TBC1D8B: variants seen among roughly 807,000 people sequenced by gnomAD.
TBC1D8B encodes RP11-321G1.1.
A neutral mutation model predicts 82.9 loss-of-function variants in TBC1D8B; 75 were observed. That is an observed-to-expected ratio of 0.90 (90% confidence interval 0.75 to 1.10). TBC1D8B has a LOEUF of 1.10. Ranked by LOEUF, TBC1D8B falls within the 50% of genes least tolerant of loss-of-function variation. TBC1D8B has a pLI of 0.00. For missense variants in TBC1D8B, 794 were observed against 796.9 expected (o/e 1.00, Z 0.04); for synonymous variants, 276 against 276.8 (o/e 1.00, Z 0.03).
At chrX:106,832,196 A>T (rs755434883) in intron 7 of TBC1D8B, among the ~76,000 whole-genome samples, 3 of 111,485 alleles carry the variant, frequency 2.7e-5, no homozygotes, top group Non-Finnish European at 5.7e-5. Context: ...ACTTTAGGAA[A>T]TCTTTCCTGT....
At position 106,852,708 on chromosome X, in the gene TBC1D8B, C is replaced by G. The variant is rs368328582; in HGVS notation, c.2124-813C>G. 4.4e-4 allele frequency among the ~76,000 whole-genome samples: 48 copies of G among 109,033 alleles called. 1 individual carries two copies. The East Asian group carries it at 9.0e-3, about 21-fold the overall frequency. The allele number at this position is 109,033 out of a possible 115,157, so 94.7% of individuals were successfully genotyped here. The stretch of plus-strand genomic sequence containing the variant: ...CATTGCTTGTTTTTGTCAGGTTTGT[C>G]AAAGATCAGATAGTTGTAGATATGC... On this transcript the variant is annotated intron_variant, in intron 12 of 20. Coordinates refer to ENST00000357242, the MANE Select transcript of TBC1D8B (RefSeq NM_017752.3).
At chrX:106,841,937 G>A (rs1021014252) in intron 10 of TBC1D8B, among the ~76,000 whole-genome samples, 3 of 111,573 alleles carry the variant, frequency 2.7e-5, no homozygotes, top group African/African-American at 9.8e-5. Flanking sequence ...TTAGTCACGT[G>A]GATACACCTA....
intron 11 of TBC1D8B, chrX:106,849,302 A>G: frequency 8.7e-7 from 1 of 1,148,500 alleles, no homozygotes; most frequent in Non-Finnish European, 1.2e-6. Context: ...ATTGGGGAGA[A>G]GTAGAAAAAG....
At chrX:106,870,872 T>C in intron 20 of TBC1D8B, 59 bp downstream of exon 20, 1 of 780,376 alleles carries the variant, frequency 1.3e-6, no homozygotes, top group Non-Finnish European at 1.9e-6. Flanking sequence ...GATGTGGGTG[T>C]AACCTCTAAA....
chrX:106,850,661 G>T (rs1932567389), intron 12 of TBC1D8B, among the ~76,000 whole-genome samples: 1 of 111,802 alleles, frequency 8.9e-6, no homozygotes, highest in Non-Finnish European at 1.9e-5. Context: ...CAGTGGCCGG[G>T]AAGTTATTCT....
intron 5 of TBC1D8B, among the ~76,000 whole-genome samples, chrX:106,823,871 T>G (rs1931766081): frequency 9.0e-6 from 1 of 111,156 alleles, no homozygotes; most frequent in East Asian, 2.8e-4. Flanking sequence ...CATTTTTTAA[T>G]GAAGAGGCAA....
chrX:106,839,271 G>A (rs746373460), intron 7 of TBC1D8B, 37 bp from the exon 8 acceptor site: 2 of 1,095,678 alleles, frequency 1.8e-6, no homozygotes, highest in East Asian at 6.3e-5. Flanking sequence ...AGAAACGTAA[G>A]CATGCATCTG....
intron 10 of TBC1D8B, among the ~76,000 whole-genome samples, chrX:106,845,513 T>C (rs986251246): frequency 1.4e-4 from 14 of 98,965 alleles, no homozygotes; most frequent in African/African-American, 5.1e-4. Flanking sequence ...TGTGTTCTCA[T>C]TGTTCAATTC....
chrX:106,869,580 T>G (rs746702936), intron 19 of TBC1D8B, 39 bp downstream of exon 19: 1 of 1,077,466 alleles, frequency 9.3e-7, no homozygotes. Flanking sequence ...TTTATTTAGT[T>G]ATTTTTATGT....
Position 106,873,713 on chromosome X carries a change from A to G in TBC1D8B, c.3111A>G (p.Thr1037=), listed in dbSNP as rs1216691703. The G allele has an allele frequency of 8.3e-7, 1 of 1,211,740 alleles. No individual in the cohort carries two copies. The highest frequency in any genetic ancestry group is 2.2e-5 in the Admixed American group (1 of 46,032). ...EEVGRKLHSP[T]SSAKGFSGTV... ...TTGGAAGGAAACTACATAGCCCTAC[A>G]TCATCAGCCAAAGGATTCTCTGGTA... The change falls in exon 21 of 21, where the codon ACA becomes ACG. Residue 1037 remains threonine, a synonymous_variant. Coordinates refer to ENST00000357242, the MANE Select transcript of TBC1D8B (RefSeq NM_017752.3).
In TBC1D8B at chrX:106,850,096, A is replaced by T. The variant is rs928959263; in HGVS notation, c.1909A>T (p.Thr637Ser). The T allele has an allele frequency of 1.7e-6, 2 of 1,211,177 alleles. No individual in the cohort carries two copies. Among genetic ancestry groups the T allele is most frequent in the Admixed American group, 4.3e-5 (2 of 46,032 alleles). The change falls in exon 12 of 21, where the codon ACT becomes TCT. Residue 637 changes from threonine (T) to serine (S), a missense_variant. Physicochemically the swap from Thr to Ser is moderately conservative, Grantham distance 58. Coordinates refer to ENST00000357242, the MANE Select transcript of TBC1D8B (RefSeq NM_017752.3). Reference protein sequence around the residue: ...DHLPQLTEHMTDMTFFSSVSL... With the variant: ...DHLPQLTEHMSDMTFFSSVSL... ...CCTTCCTCAGCTGACAGAACACATG[A>T]CTGATATGACATTCTTTTCCTCAGT...
chrX:106,842,512 C>T (rs1299473095), intron 10 of TBC1D8B, among the ~76,000 whole-genome samples: 1 of 110,661 alleles, frequency 9.0e-6, no homozygotes, highest in Non-Finnish European at 1.9e-5. Context: ...ATCTTTCAAG[C>T]CTGGGAAAAG....
chrX:106,841,583 GA>G (rs1168783640), intron 10 of TBC1D8B, among the ~76,000 whole-genome samples: 1 of 111,633 alleles, frequency 9.0e-6, no homozygotes, highest in African/African-American at 3.3e-5. Flanking sequence ...GGAATCATTG[GA>G]AAAAAATTAT....
chrX:106,842,210 A>G, intron 10 of TBC1D8B, among the ~76,000 whole-genome samples: 1 of 110,494 alleles, frequency 9.1e-6, no homozygotes, highest in Non-Finnish European at 1.9e-5. Flanking sequence ...AGGATCTCTG[A>G]AAGGTACAAA....
chrX:106,862,776 G>GTTTTGTTTTTTTTTTTT (rs1932785461), intron 14 of TBC1D8B, among the ~76,000 whole-genome samples: 1 of 37,298 alleles, frequency 2.7e-5, no homozygotes, highest in Non-Finnish European at 4.4e-5. Flanking sequence ...GTTTTTTTTT[G>GTTTTGTTTTTTTTTTTT]TTTTTTTTTT....
At chrX:106,828,451 A>G (rs1478426286) in intron 7 of TBC1D8B, 2 of 111,467 alleles carry the variant, frequency 1.8e-5, no homozygotes, top group Admixed American at 1.9e-4. Flanking sequence ...TGAGGCCAGC[A>G]TCATCCTGAT....
chrX:106,821,123 T>G (rs1035574790), intron 3 of TBC1D8B, 128 bp downstream of exon 3: 4 of 397,494 alleles, frequency 1.0e-5, no homozygotes, highest in Admixed American at 4.8e-5. Flanking sequence ...AACGAACATA[T>G]GAATTTCAGA....
At chrX:106,855,745 G>A (rs1932682273) in intron 14 of TBC1D8B, among the ~76,000 whole-genome samples, 1 of 111,851 alleles carries the variant, frequency 8.9e-6, no homozygotes, top group South Asian at 3.8e-4. Flanking sequence ...GGGTAAAAGG[G>A]TATGCCCATT....
chrX:106,864,664 A>T (rs1322412644), intron 14 of TBC1D8B, among the ~76,000 whole-genome samples: 1 of 109,510 alleles, frequency 9.1e-6, no homozygotes, highest in East Asian at 2.9e-4. Flanking sequence ...GATTATAGGC[A>T]TACGCCACCA....
Sources: gnomAD v4.1 joint callset for allele counts (sites outside exome capture counted in the v4.1 genomes callset) on GRCh38, gnomAD v4.1.1 for gene constraint, MANE v1.5 for transcripts, NCBI Gene and HGNC (gene_info 2026-07-23, HGNC 2026-07-21) for gene names.